ARHGAP22: variants seen among roughly 807,000 people sequenced by gnomAD.
ARHGAP22 encodes the protein Rho GTPase activating protein 22.
Under a neutral mutation model 59.1 loss-of-function variants are expected in ARHGAP22, and 48 were observed. That is an observed-to-expected ratio of 0.81 (90% CI 0.64 to 1.03). ARHGAP22 has a LOEUF of 1.03. Among genes scored for constraint, ARHGAP22 ranks in the 50% least tolerant of loss-of-function variants. The pLI is 0.00. For synonymous variants in ARHGAP22, 445 were observed against 416.4 expected, an observed-to-expected ratio of 1.07 and a Z score of -0.84; for missense variants, 1,015 against 958.7, an observed-to-expected ratio of 1.06 and a Z score of -0.78.
At chr10:48,503,504 G>C (rs1030249746) in intron 3 of ARHGAP22, among the ~76,000 whole-genome samples, 1 of 152,168 alleles carries the variant, frequency 6.6e-6, no homozygotes, top group Non-Finnish European at 1.5e-5. Flanking sequence ...CTGCTGCTGC[G>C]GCTACTGCTG....
intron 3 of ARHGAP22, among the ~76,000 whole-genome samples, chr10:48,537,090 C>T (rs1041512175): frequency 1.3e-5 from 2 of 152,162 alleles, no homozygotes; most frequent in South Asian, 2.1e-4. Context: ...TCTAAGAGGG[C>T]CACTTAAGTG....
At chr10:48,591,591 C>T (rs1018053033) in intron 1 of ARHGAP22, among the ~76,000 whole-genome samples, 10 of 151,856 alleles carry the variant, frequency 6.6e-5, no homozygotes, top group Non-Finnish European at 1.5e-5. Flanking sequence ...TAAAGTTTGG[C>T]GATATCACAT....
chr10:48,512,398 G>C (rs2052870793), intron 3 of ARHGAP22, among the ~76,000 whole-genome samples: 1 of 152,222 alleles, frequency 6.6e-6, no homozygotes, highest in Non-Finnish European at 1.5e-5. Context: ...AATTAATAAA[G>C]TCCACTTGAG....
intron 3 of ARHGAP22, among the ~76,000 whole-genome samples, chr10:48,482,018 G>C (rs1039491835): frequency 6.6e-6 from 1 of 152,142 alleles, no homozygotes; most frequent in Non-Finnish European, 1.5e-5. Context: ...GCCTTTACCA[G>C]ATATTTGCTT....
intron 2 of ARHGAP22, among the ~76,000 whole-genome samples, chr10:48,569,681 C>G (rs1461535600): frequency 6.6e-6 from 1 of 152,188 alleles, no homozygotes; most frequent in Non-Finnish European, 1.5e-5. Flanking sequence ...AATATCCATG[C>G]TGACTTAAAT....
intron 1 of ARHGAP22, among the ~76,000 whole-genome samples, chr10:48,602,682 G>C (rs1445162): frequency 6.6e-6 from 1 of 152,102 alleles, no homozygotes; most frequent in Non-Finnish European, 1.5e-5. Context: ...CCTGGCATTG[G>C]GGGTATAATG....
intron 1 of ARHGAP22, among the ~76,000 whole-genome samples, chr10:48,617,923 T>G (rs2061144931): frequency 6.6e-6 from 1 of 151,536 alleles, no homozygotes; most frequent in Non-Finnish European, 1.5e-5. Flanking sequence ...ATAAACAAAA[T>G]GGACAAACCA....
intron 1 of ARHGAP22, among the ~76,000 whole-genome samples, chr10:48,641,401 T>G (rs2136156960): frequency 6.6e-6 from 1 of 152,280 alleles, no homozygotes; most frequent in South Asian, 2.1e-4. Flanking sequence ...GAAAAATATA[T>G]GCCACACGCT....
chr10:48,652,399 A>T, exon 1 of ARHGAP22: 1 of 856,414 alleles, frequency 1.2e-6, no homozygotes. Context: ...ATCCACATCT[A>T]TAGAAAAGAA....
chr10:48,515,740 C>A (rs2053224017), intron 3 of ARHGAP22, among the ~76,000 whole-genome samples: 1 of 152,044 alleles, frequency 6.6e-6, no homozygotes, highest in Non-Finnish European at 1.5e-5. Flanking sequence ...CACTGACTAC[C>A]AAGGAATGAA....
At position 48,450,185 on chromosome 10, in the gene ARHGAP22, C is replaced by T; in HGVS notation, c.1868+76G>A. The T allele has an allele frequency of 8.5e-6, 13 of 1,535,372 alleles. 2 individuals are homozygous for T. The South Asian group carries it at 1.5e-4, about 18-fold the overall frequency. ...CAGCGGCCCAGAGGTTAGGGGCCGA[C>T]GCCCATGTGCCAAGAGCACGGCTCT... On this transcript the variant is annotated intron_variant, in intron 9 of 9. Transcript: ENST00000249601.
chr10:48,611,881 CCCCTCCCGTCCCCTT>C (rs1278035342), intron 1 of ARHGAP22, among the ~76,000 whole-genome samples: 3 of 33,664 alleles, frequency 8.9e-5, no homozygotes, highest in Non-Finnish European at 2.0e-4. Context: ...CCCCTCCCCT[CCCCTCCCGTCCCCTT>C]CACTTTCCTT....
At chr10:48,438,318 T>C in the ARHGAP22 span, 1 of 152,222 alleles carries the variant, frequency 6.6e-6, no homozygotes, top group Non-Finnish European at 1.5e-5. Context: ...CTTAGGTTTT[T>C]ACGGAATCAA....
downstream of ARHGAP22, chr10:48,444,353 CAG>C (rs913887610): frequency 6.6e-5 from 10 of 152,190 alleles, no homozygotes; most frequent in African/African-American, 2.4e-4. Flanking sequence ...CTCTGTCACT[CAG>C]TGTGCCTGAC....
intron 3 of ARHGAP22, among the ~76,000 whole-genome samples, chr10:48,525,867 T>G (rs2134837337): frequency 6.6e-6 from 1 of 152,218 alleles, no homozygotes; most frequent in East Asian, 1.9e-4. Context: ...CAAGAGACTT[T>G]GGCTTTTTTA....
At chr10:48,435,099 A>G in the ARHGAP22 span, 3 of 1,147,288 alleles carry the variant, frequency 2.6e-6, no homozygotes, top group South Asian at 2.3e-5. Context: ...CTTTGAAAAC[A>G]ATTCAGTGGT....
chr10:48,541,594 A>G (rs1246502201), intron 3 of ARHGAP22, among the ~76,000 whole-genome samples: 1 of 152,192 alleles, frequency 6.6e-6, no homozygotes, highest in Non-Finnish European at 1.5e-5. Flanking sequence ...CCCCAAAGGC[A>G]ATGGAAGTGT....
chr10:48,560,563 A>G lies in ARHGAP22; in HGVS notation c.235-5013T>C, dbSNP rs138552999. On this transcript the variant is annotated intron_variant, in intron 2 of 9. Transcript: ENST00000249601. The stretch of plus-strand genomic sequence containing the variant: ...TTTTATGGAAGTGGTGAGAATAAAT[A>G]TCATTATCTTTATCCTGATCATAGG... 3.7e-3 allele frequency among the ~76,000 whole-genome samples: 561 copies of G among 152,264 alleles called. 7 individuals are homozygous for G. Among genetic ancestry groups the G allele is most frequent in the African/African-American group, 0.013 (523 of 41,570 alleles).
At position 48,463,372 on chromosome 10, in the gene ARHGAP22, C is replaced by G. The variant is rs1181217119; in HGVS notation, c.452-3481G>C. On this transcript the variant is annotated intron_variant, in intron 4 of 9. Transcript: ENST00000249601. ...GAAAGGTAGCAATGGGAAGCTACACCTCTCAGGACCAGAGGCCTCTGCTAG... is the reference window on the plus strand; with the variant it reads ...GAAAGGTAGCAATGGGAAGCTACACGTCTCAGGACCAGAGGCCTCTGCTAG... Among the ~76,000 whole-genome samples the G allele has an allele frequency of 2.0e-5, 3 of 152,198 alleles. No individual in the cohort carries two copies. The East Asian group carries it at 5.8e-4, about 29-fold the overall frequency.
Sources: gnomAD v4.1 joint callset for allele counts (sites outside exome capture counted in the v4.1 genomes callset) on GRCh38, gnomAD v4.1.1 for gene constraint, MANE v1.5 for transcripts, NCBI Gene and HGNC (gene_info 2026-07-23, HGNC 2026-07-21) for gene names.